The following ADAMTS9 variants were observed in gnomAD, a reference collection of about 807,000 sequenced individuals.
The protein encoded by ADAMTS9 is A disintegrin and metalloproteinase with thrombospondin motifs 9.
ADAMTS9 carries 107 observed loss-of-function variants against 257.1 expected under a neutral mutation model. The ratio of observed to expected loss-of-function variants is 0.42; its 90% CI spans 0.36 to 0.49. The LOEUF (loss-of-function observed/expected upper bound fraction) is 0.49. ADAMTS9 is among the 20% of genes least tolerant of loss of function. The probability of loss-of-function intolerance (pLI) is 0.03; values close to 1 mark genes in which losing one functional copy is unlikely to be tolerated. For synonymous variants in ADAMTS9, 982 were observed against 880.9 expected (o/e 1.11, Z -2.03); for missense variants, 2,353 against 2,469.1 (o/e 0.95, Z 1.00).
chr3:64,672,824 A>G (rs953577974), intron 3 of ADAMTS9, among the ~76,000 whole-genome samples: 1 of 152,192 alleles, frequency 6.6e-6, no homozygotes, highest in Non-Finnish European at 1.5e-5. Context: ...GGTGAGGGAG[A>G]TCCTTTAAGG....
rs1700845330 is a variant in ADAMTS9, at chr3:64,648,251, C to CA, written c.1606-208dup. On this transcript the variant is annotated intron_variant, in intron 10 of 39. Coordinates refer to ENST00000498707, the MANE Select transcript of ADAMTS9 (RefSeq NM_182920.2). ...CCCTGGTAATGGATACCCATGTACC[C>CA]ACCACCAAGCTAAGGAAAGAAAACT... Among the ~76,000 whole-genome samples, 3 of 152,278 alleles carry CA rather than the reference C, an allele frequency of 2.0e-5. 1 individual carries two copies. The South Asian group carries it at 6.2e-4, about 32-fold the overall frequency.
intron 26 of ADAMTS9, among the ~76,000 whole-genome samples, chr3:64,598,319 A>ATTTT (rs34859673): frequency 7.3e-6 from 1 of 136,296 alleles, no homozygotes; most frequent in Non-Finnish European, 1.6e-5. Flanking sequence ...TTCATTTCCT[A>ATTTT]TTTTTTTTTT....
intron 31 of ADAMTS9, among the ~76,000 whole-genome samples, chr3:64,547,526 T>TTTG: frequency 6.7e-6 from 1 of 148,630 alleles, no homozygotes; most frequent in African/African-American, 2.5e-5. Flanking sequence ...TTTTTTTTTT[T>TTTG]TTTTGAGACT....
In ADAMTS9 at chr3:64,615,376, A is replaced by G. The variant is rs758630440; in HGVS notation, c.3134T>C (p.Ile1045Thr). 6.2e-7 allele frequency: 1 copy of G among 1,614,076 alleles called. No individual in the cohort carries two copies. Among genetic ancestry groups the G allele is most frequent in the South Asian group, 1.1e-5 (1 of 91,082 alleles). ...ACAAGGGAACTCACTGCACCTCTGA[A>G]TGGTAACTTTCTCTTGATGTGTGCA... ...SKCTHQEKVT[I>T]QRCSEFPCPQ... Residue 1045 changes from isoleucine (I) to threonine (T), a missense_variant, in exon 21 of 40, where the codon ATT becomes ACT. Ile to Thr is a moderately conservative substitution (Grantham distance 89). Around this residue, in one of 3 missense-constraint regions of ADAMTS9, gnomAD observed 1,402 missense variants for 1,441.4 expected, o/e 0.97. Coordinates refer to ENST00000498707, the MANE Select transcript of ADAMTS9 (RefSeq NM_182920.2).
At chr3:64,674,327 A>T (rs1166947189) in intron 3 of ADAMTS9, among the ~76,000 whole-genome samples, 1 of 152,216 alleles carries the variant, frequency 6.6e-6, no homozygotes, top group Non-Finnish European at 1.5e-5. Context: ...AATGAAAGGA[A>T]ATCAGGCTCA....
intron 12 of ADAMTS9, among the ~76,000 whole-genome samples, chr3:64,639,301 T>TTTTG (rs1700578473): frequency 1.4e-4 from 20 of 144,368 alleles, no homozygotes; most frequent in African/African-American, 4.2e-4. Flanking sequence ...TTGTTTTTTT[T>TTTTG]TTTTTTTTTT....
chr3:64,620,208 C>T (rs1436254323), intron 19 of ADAMTS9, among the ~76,000 whole-genome samples: 1 of 152,132 alleles, frequency 6.6e-6, no homozygotes, highest in East Asian at 1.9e-4. Context: ...CCATGGCAGA[C>T]ATTAGTAGTC....
intron 2 of ADAMTS9, among the ~76,000 whole-genome samples, chr3:64,684,325 G>A (rs575366540): frequency 6.8e-6 from 1 of 147,542 alleles, no homozygotes; most frequent in Admixed American, 6.8e-5. Flanking sequence ...GGGTAGAGAT[G>A]TTCAGGAGAG....
chr3:64,611,455 C>T (rs1437118720), intron 22 of ADAMTS9, among the ~76,000 whole-genome samples: 2 of 152,104 alleles, frequency 1.3e-5, no homozygotes, highest in African/African-American at 4.8e-5. Context: ...ACAATGCAGA[C>T]TGGTGGTTGC....
At chr3:64,664,712 A>G (rs1022984205) in intron 3 of ADAMTS9, among the ~76,000 whole-genome samples, 1 of 152,224 alleles carries the variant, frequency 6.6e-6, no homozygotes, top group African/African-American at 2.4e-5. Context: ...CCAACTGAAT[A>G]AGAACATTGC....
intron 28 of ADAMTS9, among the ~76,000 whole-genome samples, chr3:64,574,378 T>G (rs1296601067): frequency 6.6e-6 from 1 of 151,604 alleles, no homozygotes; most frequent in Non-Finnish European, 1.5e-5. Flanking sequence ...GTCAAAGAGG[T>G]GACGTCACTT....
Position 64,687,720 on chromosome 3 carries a change from G to T in ADAMTS9, c.-63C>A. ...CTCCCTCCTGCCCTCCTTGGCTGCG[G>T]CGGCGACGCGAGGCAGCGGCCGTGG... On this transcript the variant is annotated 5_prime_UTR_variant, in exon 1 of 40. Coordinates refer to ENST00000498707, the MANE Select transcript of ADAMTS9 (RefSeq NM_182920.2). The surrounding 1 kb of genome is among the most constrained non-coding windows in gnomAD (Gnocchi z 4.4). The T allele has an allele frequency of 7.7e-7, 1 of 1,299,002 alleles. No individual in the cohort carries two copies. Among genetic ancestry groups the T allele is most frequent in the Non-Finnish European group, 1.0e-6 (1 of 972,788 alleles). The allele number at this position is 1,299,002 out of a possible 1,614,324, so 80.5% of individuals were successfully genotyped here.
At chr3:64,602,439 G>C (rs2084480662) in intron 25 of ADAMTS9, among the ~76,000 whole-genome samples, 1 of 152,018 alleles carries the variant, frequency 6.6e-6, no homozygotes, top group Non-Finnish European at 1.5e-5. Flanking sequence ...TACAACAAAA[G>C]TCAAATCCTA....
chr3:64,558,331 A>C (rs957839018), intron 30 of ADAMTS9, among the ~76,000 whole-genome samples: 3 of 152,214 alleles, frequency 2.0e-5, no homozygotes, highest in African/African-American at 7.2e-5. Context: ...AAATGAGGAT[A>C]AAAATATAAA....
intron 29 of ADAMTS9, 100 bp downstream of exon 29, chr3:64,568,268 G>A (rs1180428047): frequency 5.2e-5 from 73 of 1,394,302 alleles, no homozygotes; most frequent in Admixed American, 1.3e-4. Context: ...GCTCCCCTCG[G>A]TAAAACCAAA....
At chr3:64,684,015 T>A (rs58292262) in intron 2 of ADAMTS9, among the ~76,000 whole-genome samples, 4 of 152,046 alleles carry the variant, frequency 2.6e-5, no homozygotes, top group African/African-American at 9.7e-5. Flanking sequence ...GATTTGAGCA[T>A]GTGAAGATGA....
intron 38 of ADAMTS9, among the ~76,000 whole-genome samples, chr3:64,530,249 T>G (rs2082960655): frequency 6.6e-6 from 1 of 151,954 alleles, no homozygotes; most frequent in African/African-American, 2.4e-5. Context: ...TAGTCCCACC[T>G]CACATGCTAA....
Position 64,686,912 on chromosome 3 carries a change from C to T in ADAMTS9, c.172G>A (p.Ala58Thr). The change falls in exon 2 of 40, where the codon GCT becomes ACT. Residue 58 changes from alanine to threonine, a missense_variant. By Grantham distance (58) the Ala-to-Thr change is moderately conservative. This residue lies in a region of ADAMTS9 where 591 missense variants were observed against 569.6 expected (regional missense o/e 1.04). Transcript: ENST00000498707. This position sits in a 1 kb window ranked among gnomAD's most constrained non-coding sequence, Gnocchi z 4.6. ...TTCGTGGGAAAGGGTTCTCCGAGAG[C>T]GTTCACTCGGATGGGAGACACGATT... ...YEIVSPIRVN[A>T]LGEPFPTNVH... 6.2e-7 allele frequency: 1 copy of T among 1,614,120 alleles called. No homozygotes were observed. The highest frequency in any genetic ancestry group is 8.5e-7 in the Non-Finnish European group (1 of 1,180,006).
rs368369387 is a variant in ADAMTS9 at position 64,650,979 on chromosome 3, C to A, written c.1463+38G>T. The A allele has an allele frequency of 4.5e-5, 70 of 1,572,848 alleles. No homozygotes were observed. In the South Asian group the frequency reaches 7.9e-4, roughly 18 times the overall value. On this transcript the variant is annotated intron_variant, in intron 9 of 39. Coordinates refer to ENST00000498707, the MANE Select transcript of ADAMTS9 (RefSeq NM_182920.2). ...ATTAGTTCACTACATGTAGGCCAGG[C>A]ACTAGAAGTTTGTGCTAAAAGAATG... is the stretch of plus-strand genomic sequence containing the variant.
Sources: allele counts gnomAD v4.1 joint callset (sites outside exome capture counted in the v4.1 genomes callset), GRCh38; gene constraint gnomAD v4.1.1; regional missense constraint gnomAD v4.1.1; non-coding constraint Gnocchi (gnomAD v3.1); transcripts MANE v1.5; gene names NCBI Gene and HGNC (gene_info 2026-07-23, HGNC 2026-07-21).